The following RARB variants were observed in gnomAD, a reference collection of about 807,000 sequenced individuals.
The protein encoded by RARB is retinoic acid receptor beta.
RARB carries 17 observed loss-of-function variants against 51.9 expected under a neutral mutation model. The ratio of observed to expected loss-of-function variants is 0.33; its 90% confidence interval spans 0.22 to 0.49. The LOEUF is 0.49. Ranked by LOEUF, RARB falls within the 20% of genes least tolerant of loss-of-function variation. The pLI, the probability that RARB is intolerant of heterozygous loss-of-function variation, is 0.99. For missense variants in RARB, 369 were observed against 550.8 expected (o/e 0.67, Z 3.30); for synonymous variants, 215 against 195.4 (o/e 1.10, Z -0.84).
intron 2 of RARB, among the ~76,000 whole-genome samples, chr3:24,942,908 A>C (rs1199248174): frequency 6.6e-6 from 1 of 152,174 alleles, no homozygotes; most frequent in Non-Finnish European, 1.5e-5. Flanking sequence ...CTGTTATCTC[A>C]TTTTAAAAGT....
At chr3:24,864,562 A>G (rs1191036900) in intron 2 of RARB, among the ~76,000 whole-genome samples, 1 of 152,034 alleles carries the variant, frequency 6.6e-6, no homozygotes, top group African/African-American at 2.4e-5. Context: ...ACTCTCTCAT[A>G]TCCAAACTCA....
At chr3:25,116,300 G>A (rs955265692) in intron 3 of RARB, among the ~76,000 whole-genome samples, 11 of 152,096 alleles carry the variant, frequency 7.2e-5, no homozygotes, top group Non-Finnish European at 1.3e-4. Context: ...AAGCAACCTT[G>A]AGTTTAAAAT....
chr3:25,549,887 T>A (rs570499365), intron 3 of RARB, among the ~76,000 whole-genome samples: 26 of 152,102 alleles, frequency 1.7e-4, no homozygotes, highest in Middle Eastern at 3.4e-3. Context: ...AGCTACACAG[T>A]CAAGATGTAA....
intron 3 of RARB, among the ~76,000 whole-genome samples, chr3:25,532,072 T>A (rs1431270031): frequency 1.3e-5 from 2 of 152,158 alleles, no homozygotes; most frequent in African/African-American, 2.4e-5. Context: ...GCTCTTGACA[T>A]GATTTATTTT....
intron 1 of RARB, among the ~76,000 whole-genome samples, chr3:24,831,955 AGAAG>A (rs1702288166): frequency 6.6e-6 from 1 of 152,204 alleles, no homozygotes; most frequent in African/African-American, 2.4e-5. Context: ...TCTGAAAGTG[AGAAG>A]GAAGGAGTTT....
At chr3:25,265,281 G>A (rs1322785357) in intron 5 of RARB, among the ~76,000 whole-genome samples, 1 of 152,046 alleles carries the variant, frequency 6.6e-6, no homozygotes, top group Non-Finnish European at 1.5e-5. Flanking sequence ...TTATTTTCAT[G>A]GAATGAGTTT....
At chr3:24,893,563 C>G (rs1300290775) in intron 2 of RARB, among the ~76,000 whole-genome samples, 2 of 152,088 alleles carry the variant, frequency 1.3e-5, no homozygotes, top group East Asian at 3.9e-4. Context: ...GCTTTGTTGT[C>G]TAGGCTGGAG....
At chr3:25,211,615 C>G (rs905036932) in intron 5 of RARB, among the ~76,000 whole-genome samples, 10 of 152,248 alleles carry the variant, frequency 6.6e-5, no homozygotes, top group Admixed American at 2.6e-4. Flanking sequence ...ATCTGAAATT[C>G]AAAATGTAAA....
intron 2 of RARB, among the ~76,000 whole-genome samples, chr3:24,926,425 A>T (rs1695323011): frequency 6.6e-6 from 1 of 152,096 alleles, no homozygotes; most frequent in Non-Finnish European, 1.5e-5. Context: ...CATCAAATAC[A>T]AGTTCAATTG....
chr3:25,560,605 TG>T (rs1700231622), intron 3 of RARB, among the ~76,000 whole-genome samples: 2 of 152,318 alleles, frequency 1.3e-5, no homozygotes, highest in South Asian at 4.1e-4. Flanking sequence ...GCTTAATAAC[TG>T]ACAGTTTCCA....
chr3:25,186,729 AGAAAT>A (rs1390897360), intron 5 of RARB, among the ~76,000 whole-genome samples: 1 of 151,832 alleles, frequency 6.6e-6, no homozygotes, highest in Non-Finnish European at 1.5e-5. Flanking sequence ...ATTGTAGAAA[AGAAAT>A]GATTTTTTTC....
At chr3:25,319,395 A>C (rs752063708) in intron 5 of RARB, among the ~76,000 whole-genome samples, 1 of 152,226 alleles carries the variant, frequency 6.6e-6, no homozygotes, top group Non-Finnish European at 1.5e-5. Flanking sequence ...TGGAATGGCC[A>C]TGTTGAGACA....
At chr3:24,914,031 A>G (rs901883501) in intron 2 of RARB, among the ~76,000 whole-genome samples, 1 of 152,224 alleles carries the variant, frequency 6.6e-6, no homozygotes, top group Admixed American at 6.5e-5. Flanking sequence ...GGAAATGGGT[A>G]TGGCCAAGAT....
intron 5 of RARB, among the ~76,000 whole-genome samples, chr3:25,273,843 C>T (rs1162759590): frequency 6.6e-6 from 1 of 152,218 alleles, no homozygotes; most frequent in Non-Finnish European, 1.5e-5. Context: ...TCAAGGCATC[C>T]TGCTTTTAGC....
At chr3:25,042,106 G>A (rs901820996) in intron 2 of RARB, among the ~76,000 whole-genome samples, 1 of 152,168 alleles carries the variant, frequency 6.6e-6, no homozygotes, top group African/African-American at 2.4e-5. Context: ...CTGTGCTCCT[G>A]CTGACTGATG....
chr3:24,874,333 C>A (rs577456935), intron 2 of RARB, among the ~76,000 whole-genome samples: 1 of 152,014 alleles, frequency 6.6e-6, no homozygotes, highest in Non-Finnish European at 1.5e-5. Flanking sequence ...TTGATTAAAT[C>A]AACCCTATTA....
At chr3:24,921,931 G>A (rs977808400) in intron 2 of RARB, among the ~76,000 whole-genome samples, 7 of 152,214 alleles carry the variant, frequency 4.6e-5, no homozygotes, top group Non-Finnish European at 8.8e-5. Flanking sequence ...GCAGATTGAT[G>A]CAGGCTTACC....
intron 3 of RARB, among the ~76,000 whole-genome samples, chr3:25,512,104 G>A (rs981972895): frequency 3.3e-5 from 5 of 152,158 alleles, no homozygotes; most frequent in Non-Finnish European, 2.9e-5. Flanking sequence ...TGTGGCTATT[G>A]TGAGAAGGAA....
intron 1 of RARB, among the ~76,000 whole-genome samples, chr3:25,434,503 G>C (rs1708342401): frequency 2.0e-5 from 3 of 148,150 alleles, no homozygotes; most frequent in Admixed American, 2.0e-4. Context: ...GGGATTTCAC[G>C]TTGTCAGAGT....
Sources: allele counts gnomAD v4.1 joint callset (sites outside exome capture counted in the v4.1 genomes callset), GRCh38; gene constraint gnomAD v4.1.1; transcripts MANE v1.5; gene names NCBI Gene and HGNC (gene_info 2026-07-23, HGNC 2026-07-21).